ZNF697: variants seen among roughly 807,000 people sequenced by gnomAD.
ZNF697 encodes zinc finger protein 697.
ZNF697 carries 23 observed loss-of-function variants against 32.4 expected under a neutral mutation model. The ratio of observed to expected loss-of-function variants is 0.71; its 90% CI spans 0.51 to 1.01. ZNF697 has a LOEUF of 1.01. Among genes scored for constraint, ZNF697 ranks in the 50% least tolerant of loss-of-function variants. The pLI, the probability that ZNF697 is intolerant of heterozygous loss-of-function variation, is 0.00. For synonymous variants in ZNF697, 418 were observed against 337.2 expected (o/e 1.24, Z -2.62); for missense variants, 930 against 794.0 (o/e 1.17, Z -2.06).
chr1:119,624,360 C>T (rs1284465024), intron 2 of ZNF697, among the ~76,000 whole-genome samples: 1 of 88,458 alleles, frequency 1.1e-5, no homozygotes. Flanking sequence ...GGGCCCAGGC[C>T]CCCCTAGCTG....
chr1:119,631,744 A>T (rs1419398056), intron 1 of ZNF697, among the ~76,000 whole-genome samples: 1 of 152,154 alleles, frequency 6.6e-6, no homozygotes, highest in Non-Finnish European at 1.5e-5. Flanking sequence ...GCGGCGGGCC[A>T]GGAGCGGCTC....
At position 119,625,862 on chromosome 1, in the gene ZNF697, G is replaced by C. The variant is rs761669956; in HGVS notation, c.226+13C>G. ...TTTGGCAACTTGCATAGAAATCCCAGCTTTCTCCTCACCTGTGCAGATGTC... is the reference window on the plus strand; with the variant it reads ...TTTGGCAACTTGCATAGAAATCCCACCTTTCTCCTCACCTGTGCAGATGTC... On this transcript the variant is annotated intron_variant, in intron 2 of 2. Coordinates refer to ENST00000421812, the MANE Select transcript of ZNF697 (RefSeq NM_001080470.2). 1 of 1,612,678 alleles carries C rather than the reference G, an allele frequency of 6.2e-7. No individual in the cohort carries two copies. Among genetic ancestry groups the C allele is most frequent in the South Asian group, 1.1e-5 (1 of 90,990 alleles).
chr1:119,631,452 T>C (rs1034613556), intron 1 of ZNF697, among the ~76,000 whole-genome samples: 1 of 152,172 alleles, frequency 6.6e-6, no homozygotes, highest in African/African-American at 2.4e-5. Context: ...CTCCGCTGGC[T>C]CCTAGAAGGG....
At position 119,621,922 on chromosome 1, in the gene ZNF697, T is replaced by TG. The variant is rs3833537; in HGVS notation, c.*782dup. The TG allele has an allele frequency of 0.68, 101,871 of 149,656 alleles. 35,149 individuals are homozygous for TG. The highest frequency in any genetic ancestry group is 0.83 in the African/African-American group (33,883 of 40,890). The allele number at this position is 149,656 out of a possible 1,614,324, so 9.3% of individuals were successfully genotyped here. A position where few individuals can be genotyped will look rare whatever the true frequency, so the allele number is the denominator to read the frequency against. On this transcript the variant is annotated 3_prime_UTR_variant, in exon 3 of 3. Transcript: ENST00000421812. ...TACTGGGTGTGGCACACACCTGGGA[T>TG]GGGCGAGGGCGGGGGAGGGGGGTCA...
chr1:119,624,345 T>G (rs962176560), intron 2 of ZNF697, among the ~76,000 whole-genome samples: 1 of 143,512 alleles, frequency 7.0e-6, no homozygotes. Context: ...TCAGGCAGCC[T>G]CCTCGGGCCC....
At chr1:119,643,512 G>A (rs1649132653) in intron 1 of ZNF697, among the ~76,000 whole-genome samples, 1 of 152,308 alleles carries the variant, frequency 6.6e-6, no homozygotes, top group Non-Finnish European at 1.5e-5. Flanking sequence ...CCAAAGACGA[G>A]AAGCTACTGA....
chr1:119,644,957 T>C (rs1222237383), intron 1 of ZNF697, among the ~76,000 whole-genome samples: 2 of 152,254 alleles, frequency 1.3e-5, no homozygotes, highest in Admixed American at 1.3e-4. Flanking sequence ...GCTTTTCCAA[T>C]GAGCACTTTG....
intron 1 of ZNF697, among the ~76,000 whole-genome samples, chr1:119,630,021 A>G (rs974320521): frequency 6.6e-6 from 1 of 152,178 alleles, no homozygotes; most frequent in African/African-American, 2.4e-5. Flanking sequence ...CCTAACGTAC[A>G]CCATCTGTAA....
At position 119,622,393 on chromosome 1, in the gene ZNF697, C is replaced by T. The variant is rs1018075463; in HGVS notation, c.*312G>A. 1 of 283,758 alleles carries T rather than the reference C, an allele frequency of 3.5e-6. No individual in the cohort carries two copies. The highest frequency in any genetic ancestry group is 5.9e-6 in the Non-Finnish European group (1 of 168,384). The allele number at this position is 283,758 out of a possible 1,614,324, so 17.6% of individuals were successfully genotyped here. A position where few individuals can be genotyped will look rare whatever the true frequency, so the allele number is the denominator to read the frequency against. ...GCCCGCCATCCTGTTCCCACCCCAGCCCACGAACTGCCCTTCCTCAAAGTG... is the reference window on the plus strand; with the variant it reads ...GCCCGCCATCCTGTTCCCACCCCAGTCCACGAACTGCCCTTCCTCAAAGTG... On this transcript the variant is annotated 3_prime_UTR_variant, in exon 3 of 3. Transcript: ENST00000421812.
At chr1:119,646,455 G>GT (rs918621879) in intron 1 of ZNF697, among the ~76,000 whole-genome samples, 2 of 151,034 alleles carry the variant, frequency 1.3e-5, no homozygotes, top group Non-Finnish European at 2.9e-5. Context: ...AAACAACTCG[G>GT]TTTTTTTTCT....
chr1:119,623,222 A>G lies in ZNF697; in HGVS notation c.1121T>C (p.Ile374Thr). The change falls in exon 3 of 3, where the codon ATC (isoleucine) becomes ACC (threonine). Residue 374 changes from isoleucine (I) to threonine (T), a missense_variant. Physicochemically the swap from Ile to Thr is moderately conservative, Grantham distance 89 (BLOSUM62 -1). Coordinates refer to ENST00000421812, the MANE Select transcript of ZNF697 (RefSeq NM_001080470.2). ...RRSHLANHQR[I>T]HTGEKPHGCG... ...GCCGTGCGGCTTCTCGCCCGTGTGG[A>G]TGCGCTGGTGGTTGGCCAGGTGCGA... is the stretch of plus-strand genomic sequence containing the variant. 6.4e-7 allele frequency: 1 copy of G among 1,572,762 alleles called. No homozygotes were observed. The highest frequency in any genetic ancestry group is 1.1e-5 in the South Asian group (1 of 87,448).
chr1:119,628,715 G>A (rs587622545), intron 1 of ZNF697, among the ~76,000 whole-genome samples: 1 of 152,300 alleles, frequency 6.6e-6, no homozygotes, highest in East Asian at 1.9e-4. Context: ...CCAGTAACAC[G>A]GATTCAGTTC....
At chr1:119,630,153 T>G (rs1648720477) in intron 1 of ZNF697, among the ~76,000 whole-genome samples, 1 of 152,224 alleles carries the variant, frequency 6.6e-6, no homozygotes, top group African/African-American at 2.4e-5. Flanking sequence ...AACTCTGGTT[T>G]TTGGCCAACA....
rs1648436670 is a variant in ZNF697 at position 119,623,497 on chromosome 1, C to G, written c.846G>C (p.Leu282=). 1.3e-6 allele frequency: 2 copies of G among 1,568,388 alleles called. No homozygotes were observed. Among genetic ancestry groups the G allele is most frequent in the Non-Finnish European group, 1.7e-6 (2 of 1,159,078 alleles). The change falls in exon 3 of 3, where the codon CTG becomes CTC. Residue 282 remains leucine (L), a synonymous_variant. Transcript: ENST00000421812. Reference sequence around the variant, plus strand: ...ACAGGTTGGGCCGCTCGCCCGTGTGCAGGCGCAGGTGGTTGGTCAGGTAGG... The same window carrying G: ...ACAGGTTGGGCCGCTCGCCCGTGTGGAGGCGCAGGTGGTTGGTCAGGTAGG... ...RNTYLTNHLR[L]HTGERPNLCA... is the part of the protein sequence containing the mutation.
chr1:119,635,707 G>A (rs1193481093), intron 1 of ZNF697, among the ~76,000 whole-genome samples: 1 of 152,176 alleles, frequency 6.6e-6, no homozygotes, highest in South Asian at 2.1e-4. Context: ...AAAAATGGAA[G>A]ATCATGTACA....
chr1:119,626,079 C>G lies in ZNF697; in HGVS notation c.22G>C (p.Gly8Arg). The change falls in exon 2 of 3, where the codon GGT becomes CGT. Residue 8 changes from glycine (G) to arginine (R), a missense_variant. Physicochemically the swap from Gly to Arg is moderately radical, Grantham distance 125. Coordinates refer to ENST00000421812, the MANE Select transcript of ZNF697 (RefSeq NM_001080470.2). MKQEDNQ[G>R]VCAHQDSEDK... ...TCTGAGTCCTGGTGTGCACAGACAC[C>G]CTGATTATCTTCTTGTTTCATCCAG... The G allele has an allele frequency of 6.2e-7, 1 of 1,613,832 alleles. No individual in the cohort carries two copies. The highest frequency in any genetic ancestry group is 8.5e-7 in the Non-Finnish European group (1 of 1,179,824).
At position 119,623,618 on chromosome 1, in the gene ZNF697, A is replaced by AC; in HGVS notation, c.724dup (p.Val242GlyfsTer193). 1 of 474,460 alleles carries AC rather than the reference A, an allele frequency of 2.1e-6. No homozygotes were observed. Among genetic ancestry groups the AC allele is most frequent in the East Asian group, 1.1e-4 (1 of 9,166 alleles). 29.4% of individuals were successfully genotyped at this position (474,460 alleles called of 1,614,324 possible). ...GGGCCCGGCCCCGAAGCCCCCCGCC[A>AC]CACCCACCCCCATCATGCCCACCAT... is the stretch of plus-strand genomic sequence containing the variant. On this transcript the variant is annotated frameshift_variant, in exon 3 of 3. Coordinates refer to ENST00000421812, the MANE Select transcript of ZNF697 (RefSeq NM_001080470.2). LOFTEE classifies it high-confidence loss of function.
In ZNF697 at chr1:119,626,128, C is replaced by T; in HGVS notation, c.-28G>A. The T allele has an allele frequency of 3.1e-6, 5 of 1,612,388 alleles. No individual in the cohort carries two copies. The highest frequency in any genetic ancestry group is 4.2e-6 in the Non-Finnish European group (5 of 1,178,886). ...AGGAAGAAAAGAGCAAGGGAGGTGA[C>T]CAGGAATCCCTGCTCCAGAAAAACA... is the stretch of plus-strand genomic sequence containing the variant. On this transcript the variant is annotated 5_prime_UTR_variant, in exon 2 of 3. The change creates a premature stop within an existing upstream ORF in the 5' untranslated region. Transcript: ENST00000421812.
intron 1 of ZNF697, among the ~76,000 whole-genome samples, chr1:119,637,169 C>T (rs1437822427): frequency 6.6e-6 from 1 of 152,208 alleles, no homozygotes; most frequent in African/African-American, 2.4e-5. Flanking sequence ...GTTATCTTGC[C>T]TGCAAAGAAT....
Sources: allele counts gnomAD v4.1 joint callset (sites outside exome capture counted in the v4.1 genomes callset), GRCh38; gene constraint gnomAD v4.1.1; transcripts MANE v1.5; gene names NCBI Gene and HGNC (gene_info 2026-07-23, HGNC 2026-07-21).